KLHL13: variants seen among roughly 807,000 people sequenced by gnomAD.
The protein encoded by KLHL13 is kelch-like protein 13.
A neutral mutation model predicts 37.1 loss-of-function variants in KLHL13; 10 were observed. The observed-to-expected ratio is 0.27, with a 90% confidence interval of 0.17 to 0.46. The LOEUF is 0.46. Among genes scored for constraint, KLHL13 ranks in the 20% least tolerant of loss-of-function variants. The pLI, the probability that KLHL13 is intolerant of heterozygous loss-of-function variation, is 1.00. For synonymous variants in KLHL13, 163 were observed against 181.2 expected (o/e 0.90, Z 0.81); for missense variants, 360 against 509.3 (o/e 0.71, Z 2.82).
intron 1 of KLHL13, among the ~76,000 whole-genome samples, chrX:118,022,053 C>G (rs993054191): frequency 4.5e-5 from 5 of 112,067 alleles, no homozygotes; most frequent in Admixed American, 1.9e-4. Context: ...AGTGTCTGTT[C>G]ATATCCTTCA....
intron 3 of KLHL13, 132 bp downstream of exon 4, chrX:117,920,106 T>C (rs1327433094): frequency 1.3e-5 from 8 of 621,028 alleles, no homozygotes; most frequent in Non-Finnish European, 2.0e-5. Flanking sequence ...CCGAAAACCA[T>C]ACATACTGTT....
chrX:118,051,634 C>T (rs1278185083), intron 1 of KLHL13, among the ~76,000 whole-genome samples: 2 of 110,930 alleles, frequency 1.8e-5, no homozygotes, highest in African/African-American at 6.5e-5. Context: ...GAAACACACA[C>T]ACTCACGCGC....
intron 5 of KLHL13, among the ~76,000 whole-genome samples, chrX:117,905,505 G>GCACACACA (rs34703680): frequency 0.053 from 5,482 of 103,148 alleles, 150 homozygotes; most frequent in Middle Eastern, 0.11. Context: ...GCTAGTGCGT[G>GCACACACA]CACACACACA....
At chrX:117,942,185 T>C (rs943811397) in intron 2 of KLHL13, among the ~76,000 whole-genome samples, 4 of 112,020 alleles carry the variant, frequency 3.6e-5, no homozygotes, top group Non-Finnish European at 7.5e-5. Context: ...GATTGCACTG[T>C]GGTTTCAGAG....
At chrX:117,908,066 A>AT (rs1930669032) in intron 5 of KLHL13, among the ~76,000 whole-genome samples, 5 of 99,211 alleles carry the variant, frequency 5.0e-5, no homozygotes, top group African/African-American at 7.8e-5. Context: ...CTACAAGGAC[A>AT]TTATTTATTT....
chrX:117,947,902 C>T (rs1356037999), intron 1 of KLHL13: 1 of 111,923 alleles, frequency 8.9e-6, no homozygotes, highest in African/African-American at 3.3e-5. Context: ...ACAATTATAT[C>T]AATCTATGCT....
intron 1 of KLHL13, among the ~76,000 whole-genome samples, chrX:117,987,560 G>A (rs1265010101): frequency 5.4e-5 from 6 of 111,638 alleles, no homozygotes; most frequent in East Asian, 5.6e-4. Flanking sequence ...GCAAGCTTTC[G>A]TTGATTTTGG....
chrX:117,965,120 G>T (rs1179200830), intron 1 of KLHL13, among the ~76,000 whole-genome samples: 2 of 111,728 alleles, frequency 1.8e-5, no homozygotes, highest in Non-Finnish European at 3.8e-5. Flanking sequence ...GGATGGGTGG[G>T]TCAAATGGTA....
chrX:118,024,267 T>G (rs536937097), intron 1 of KLHL13, among the ~76,000 whole-genome samples: 2 of 112,303 alleles, frequency 1.8e-5, no homozygotes, highest in East Asian at 5.6e-4. Flanking sequence ...CTTCTCTGGT[T>G]TGCGGTCAAG....
intron 1 of KLHL13, among the ~76,000 whole-genome samples, chrX:117,988,686 T>C (rs73215067): frequency 0.014 from 1,613 of 111,773 alleles, 5 homozygotes; most frequent in Middle Eastern, 0.055. Flanking sequence ...GTCACTGAAT[T>C]AGGAAAAATG....
intron 1 of KLHL13, among the ~76,000 whole-genome samples, chrX:118,055,735 C>G (rs921196769): frequency 7.1e-5 from 8 of 111,924 alleles, no homozygotes; most frequent in Middle Eastern, 4.6e-3. Flanking sequence ...CTGGCCAACA[C>G]AGCAAGACCC....
chrX:118,034,225 T>C (rs2054403325), intron 1 of KLHL13, among the ~76,000 whole-genome samples: 1 of 105,438 alleles, frequency 9.5e-6, no homozygotes, highest in African/African-American at 3.8e-5. Context: ...TGAACTCAGC[T>C]CTGCACCAAG....
chrX:118,096,481 G>C (rs942991785), intron 1 of KLHL13, among the ~76,000 whole-genome samples: 1 of 111,688 alleles, frequency 9.0e-6, no homozygotes. Flanking sequence ...TGGATTCACA[G>C]ACAAATTCTA....
intron 1 of KLHL13, among the ~76,000 whole-genome samples, chrX:118,083,356 A>C (rs1315939950): frequency 8.9e-6 from 1 of 112,013 alleles, no homozygotes; most frequent in Non-Finnish European, 1.9e-5. Flanking sequence ...GGATAAATTA[A>C]TTTTTAATGT....
intron 1 of KLHL13, among the ~76,000 whole-genome samples, chrX:118,071,630 G>C (rs1470608661): frequency 1.8e-5 from 2 of 110,757 alleles, no homozygotes; most frequent in African/African-American, 6.6e-5. Context: ...CTTCAGCAAA[G>C]TCTCAGGATA....
chrX:117,936,796 C>A (rs985723577), intron 2 of KLHL13, among the ~76,000 whole-genome samples: 1 of 111,545 alleles, frequency 9.0e-6, no homozygotes, highest in Admixed American at 9.6e-5. Context: ...AGACCTTCTC[C>A]ATTTACCTCA....
chrX:117,902,614 C>A (rs1186505673), intron 5 of KLHL13, among the ~76,000 whole-genome samples: 2 of 111,467 alleles, frequency 1.8e-5, no homozygotes, highest in African/African-American at 6.5e-5. Context: ...ATGTATTTAT[C>A]ATCTTTTAAC....
At chrX:117,955,228 A>C (rs889093623) in intron 1 of KLHL13, among the ~76,000 whole-genome samples, 4 of 111,941 alleles carry the variant, frequency 3.6e-5, no homozygotes, top group Admixed American at 2.9e-4. Flanking sequence ...AACTGCTAAA[A>C]GGTGGTGAAA....
intron 6 of KLHL13, among the ~76,000 whole-genome samples, chrX:117,900,332 G>C (rs947124276): frequency 2.7e-5 from 3 of 112,080 alleles, no homozygotes; most frequent in African/African-American, 9.7e-5. Context: ...TTCCCAGAAA[G>C]CAAAACAGTG....
Sources: allele counts gnomAD v4.1 joint callset (sites outside exome capture counted in the v4.1 genomes callset), GRCh38; gene constraint gnomAD v4.1.1; transcripts MANE v1.5; gene names NCBI Gene and HGNC (gene_info 2026-07-23, HGNC 2026-07-21).